Variants in SNTG2 observed in about 807,000 individuals in gnomAD.
SNTG2 encodes syntrophin gamma 2, also known as gamma-2-syntrophin.
A neutral mutation model predicts 70.9 loss-of-function variants in SNTG2; 74 were observed. The observed-to-expected ratio is 1.04, with a 90% CI of 0.86 to 1.27. SNTG2 has a LOEUF of 1.27. Among genes scored for constraint, SNTG2 ranks in the 50% most tolerant of loss-of-function variants. The pLI is 0.00. For missense variants in SNTG2, 717 were observed against 690.7 expected (o/e 1.04, Z -0.43); for synonymous variants, 278 against 273.8 (o/e 1.02, Z -0.15).
At chr2:1,340,040 A>G (rs913907701) in intron 16 of SNTG2, among the ~76,000 whole-genome samples, 1 of 152,222 alleles carries the variant, frequency 6.6e-6, no homozygotes, top group African/African-American at 2.4e-5. Flanking sequence ...CTGTGGAGGC[A>G]CAGAAGAGGC....
intron 14 of SNTG2, among the ~76,000 whole-genome samples, chr2:1,283,197 C>A (rs1325432417): frequency 6.6e-6 from 1 of 152,132 alleles, no homozygotes; most frequent in African/African-American, 2.4e-5. Flanking sequence ...CCGCCCACGC[C>A]CTAACTCCTC....
intron 6 of SNTG2, chr2:1,163,443 A>G (rs1353768578): frequency 6.4e-5 from 9 of 139,944 alleles, no homozygotes; most frequent in African/African-American, 2.4e-4. Context: ...AGGCACGTGA[A>G]GCCTCCCAAC....
intron 14 of SNTG2, among the ~76,000 whole-genome samples, chr2:1,289,012 A>G (rs760290508): frequency 6.6e-6 from 1 of 151,830 alleles, no homozygotes; most frequent in Non-Finnish European, 1.5e-5. Flanking sequence ...CTGCTCCTTA[A>G]TTAGCCTCTA....
At chr2:1,078,628 A>G (rs1226554539) in intron 1 of SNTG2, among the ~76,000 whole-genome samples, 1 of 152,168 alleles carries the variant, frequency 6.6e-6, no homozygotes, top group Non-Finnish European at 1.5e-5. Flanking sequence ...GAGAAATGGC[A>G]AACTTTGGGG....
intron 1 of SNTG2, among the ~76,000 whole-genome samples, chr2:1,001,947 A>G (rs115243009): frequency 6.6e-6 from 1 of 152,256 alleles, no homozygotes; most frequent in Non-Finnish European, 1.5e-5. Flanking sequence ...TAGAGAACCC[A>G]GACATAAAGC....
chr2:1,175,994 G>A (rs1295035647), intron 8 of SNTG2, among the ~76,000 whole-genome samples: 1 of 152,186 alleles, frequency 6.6e-6, no homozygotes, highest in Non-Finnish European at 1.5e-5. Flanking sequence ...AGGCTTTGGT[G>A]GATGTGATCC....
In SNTG2 at chr2:1,267,543, C is replaced by T; in HGVS notation, c.1256C>T (p.Ala419Val). 6.2e-7 allele frequency: 1 copy of T among 1,613,358 alleles called. No homozygotes were observed. Among genetic ancestry groups the T allele is most frequent in the Non-Finnish European group, 8.5e-7 (1 of 1,179,892 alleles). The change falls in exon 14 of 17, where the codon GCC becomes GTC. Residue 419 changes from alanine to valine, a missense_variant. By Grantham distance (64) the Ala-to-Val change is moderately conservative. Transcript: ENST00000308624. ...ATGTGGGAGAAGTCCTTCCAAAGAG[C>T]CACGTTCATGGAAGTTCAGAGAACC... ...LAMWEKSFQR[A>V]TFMEVQRTGS...
chr2:1,083,739 A>G, intron 2 of SNTG2, 84 bp downstream of exon 2: 1 of 1,481,230 alleles, frequency 6.8e-7, no homozygotes, highest in Non-Finnish European at 9.3e-7. Context: ...TTCAAGAATG[A>G]TTGCTGAGCA....
chr2:965,093 C>A (rs1484948150), intron 1 of SNTG2, among the ~76,000 whole-genome samples: 3 of 151,168 alleles, frequency 2.0e-5, no homozygotes, highest in African/African-American at 7.3e-5. Context: ...CCTCTGGACT[C>A]CAGTTCTCCT....
chr2:1,173,019 G>A (rs1572641357), intron 7 of SNTG2, 73 bp from the exon 8 acceptor site: 3 of 1,368,494 alleles, frequency 2.2e-6, no homozygotes, highest in East Asian at 4.6e-5. Flanking sequence ...AGGTAGAACT[G>A]AAGTCACTGC....
In SNTG2 at chr2:954,637, C is replaced by T. The variant is rs59438460; in HGVS notation, c.72+3569C>T. 9.7e-3 allele frequency among the ~76,000 whole-genome samples: 1,472 copies of T among 152,268 alleles called. 27 individuals carry two copies. Among genetic ancestry groups the T allele is most frequent in the African/African-American group, 0.034 (1,400 of 41,534 alleles). ...ATTCAGGAAGCCGAGGTTATCCTTC[C>T]TATTTCTGTATTAAATGCTAAGCTC... On this transcript the variant is annotated intron_variant, in intron 1 of 16. Coordinates refer to ENST00000308624, the MANE Select transcript of SNTG2 (RefSeq NM_018968.4).
intron 1 of SNTG2, among the ~76,000 whole-genome samples, chr2:1,055,985 T>C (rs1353847786): frequency 6.6e-6 from 1 of 151,882 alleles, no homozygotes; most frequent in Non-Finnish European, 1.5e-5. Context: ...GGACATGCGG[T>C]GGGTCGCGGG....
intron 9 of SNTG2, among the ~76,000 whole-genome samples, chr2:1,221,404 T>G: frequency 6.6e-6 from 1 of 151,636 alleles, no homozygotes; most frequent in Non-Finnish European, 1.5e-5. Context: ...TCTCTGTCCC[T>G]CTCAGTCTCT....
intron 4 of SNTG2, among the ~76,000 whole-genome samples, chr2:1,111,983 G>GT (rs1276521280): frequency 1.5e-5 from 2 of 133,624 alleles, no homozygotes; most frequent in Non-Finnish European, 3.4e-5. Flanking sequence ...GGAGGATCGT[G>GT]GGTACTAAGT....
chr2:1,256,594 G>A (rs887818708), intron 12 of SNTG2: 1 of 151,528 alleles, frequency 6.6e-6, no homozygotes, highest in African/African-American at 2.4e-5. Context: ...AGTGAGAAGA[G>A]CCCTAATGGA....
At chr2:1,159,218 TGGGA>T (rs1670111860) in intron 6 of SNTG2, 1 of 89,984 alleles carries the variant, frequency 1.1e-5, no homozygotes, top group Non-Finnish European at 2.7e-5. Flanking sequence ...AGTGTTTATG[TGGGA>T]GGGTGTGTGT....
intron 8 of SNTG2, among the ~76,000 whole-genome samples, chr2:1,175,264 G>A (rs955926202): frequency 6.6e-5 from 10 of 152,174 alleles, no homozygotes; most frequent in South Asian, 4.1e-4. Context: ...GAGCGCAGGC[G>A]TGTGCTGCTG....
chr2:956,525 G>A (rs1325789987), intron 1 of SNTG2, among the ~76,000 whole-genome samples: 1 of 152,138 alleles, frequency 6.6e-6, no homozygotes, highest in Non-Finnish European at 1.5e-5. Context: ...CTCACCAGGC[G>A]CAGCACCTGC....
intron 1 of SNTG2, among the ~76,000 whole-genome samples, chr2:1,032,820 T>G (rs923916636): frequency 9.2e-5 from 14 of 152,064 alleles, no homozygotes; most frequent in Non-Finnish European, 1.8e-4. Context: ...GGTCACTGTG[T>G]TAGATCATTC....
Sources: gnomAD v4.1 joint callset for allele counts (sites outside exome capture counted in the v4.1 genomes callset) on GRCh38, gnomAD v4.1.1 for gene constraint, MANE v1.5 for transcripts, NCBI Gene and HGNC (gene_info 2026-07-23, HGNC 2026-07-21) for gene names.